LEF1: variants seen among roughly 807,000 people sequenced by gnomAD.
The protein encoded by LEF1 is lymphoid enhancer-binding factor 1.
In LEF1, 14 loss-of-function variants were observed where a neutral mutation model predicts 51.2. The observed-to-expected ratio is 0.27, with a 90% CI of 0.18 to 0.43. The LOEUF (loss-of-function observed/expected upper bound fraction) is 0.43, where lower values mean the gene tolerates loss of function less well. Among genes scored for constraint, LEF1 ranks in the 20% least tolerant of loss-of-function variants. The pLI is 1.00. For synonymous variants in LEF1, 185 were observed against 183.2 expected, an observed-to-expected ratio of 1.01 and a Z score of -0.08; for missense variants, 386 against 512.0, an observed-to-expected ratio of 0.75 and a Z score of 2.37.
intron 6 of LEF1, among the ~76,000 whole-genome samples, chr4:108,080,110 C>T (rs991477229): frequency 6.6e-6 from 1 of 152,104 alleles, no homozygotes; most frequent in African/African-American, 2.4e-5. Context: ...TGCAGAAATA[C>T]ACTAATGTTT....
At chr4:108,058,065 G>T (rs1032150414) in intron 11 of LEF1, among the ~76,000 whole-genome samples, 1 of 151,638 alleles carries the variant, frequency 6.6e-6, no homozygotes, top group Non-Finnish European at 1.5e-5. Flanking sequence ...AGTTAGAGAC[G>T]GGGTTTCACT....
At chr4:108,049,185 A>G (rs567914104) in intron 11 of LEF1, among the ~76,000 whole-genome samples, 2 of 152,346 alleles carry the variant, frequency 1.3e-5, no homozygotes, top group South Asian at 4.1e-4. Flanking sequence ...TAGGACAGAC[A>G]TAATCACATT....
intron 3 of LEF1, among the ~76,000 whole-genome samples, chr4:108,099,566 G>GTATATATATGTA (rs1193240414): frequency 1.4e-5 from 1 of 72,892 alleles, no homozygotes; most frequent in East Asian, 3.8e-4. Flanking sequence ...ATGTGTGTGT[G>GTATATATATGTA]TGTGTATATA....
chr4:108,077,453 C>T (rs987906021), intron 8 of LEF1, among the ~76,000 whole-genome samples: 3 of 131,104 alleles, frequency 2.3e-5, no homozygotes, highest in African/African-American at 8.1e-5. Context: ...CGGCTGCCGC[C>T]CAGTCTGGGA....
intron 11 of LEF1, among the ~76,000 whole-genome samples, chr4:108,051,642 A>G (rs944225393): frequency 1.8e-4 from 27 of 152,144 alleles, no homozygotes; most frequent in African/African-American, 6.5e-4. Flanking sequence ...CCCATCTTAC[A>G]TATGTTCAGA....
chr4:108,113,272 T>C (rs1741636989), intron 3 of LEF1, among the ~76,000 whole-genome samples: 1 of 152,064 alleles, frequency 6.6e-6, no homozygotes, highest in Non-Finnish European at 1.5e-5. Context: ...AGAAAAAAGG[T>C]AGAAGAGCTC....
At chr4:108,141,891 T>C (rs958491070) in intron 3 of LEF1, among the ~76,000 whole-genome samples, 26 of 151,732 alleles carry the variant, frequency 1.7e-4, no homozygotes, top group African/African-American at 5.8e-4. Flanking sequence ...GAAGCAAGAA[T>C]GAAGGGGAGG....
rs190720270 is a variant in LEF1 at position 108,125,463 on chromosome 4, G to A, written c.415-36206C>T. Reference sequence around the variant, plus strand: ...CAGGCATGAGCCACCATACCCGGCCGTATCAATATTATTTACAGTAGTATG... The same window carrying A: ...CAGGCATGAGCCACCATACCCGGCCATATCAATATTATTTACAGTAGTATG... On this transcript the variant is annotated intron_variant, in intron 3 of 11. Transcript: ENST00000265165. Among the ~76,000 whole-genome samples, 4 of 152,140 alleles carry A rather than the reference G, an allele frequency of 2.6e-5. No homozygotes were observed. In the East Asian group the frequency reaches 5.8e-4, roughly 22 times the overall value.
intron 3 of LEF1, among the ~76,000 whole-genome samples, chr4:108,140,700 T>C (rs1304391076): frequency 6.6e-6 from 1 of 152,220 alleles, no homozygotes; most frequent in Non-Finnish European, 1.5e-5. Context: ...ACGCCTTTGT[T>C]AGGTGACAAG....
chr4:108,158,011 C>A (rs574840991), intron 3 of LEF1, among the ~76,000 whole-genome samples: 41 of 152,284 alleles, frequency 2.7e-4, no homozygotes, highest in African/African-American at 9.1e-4. Flanking sequence ...CAACTCCCCG[C>A]TCTTCACTTT....
chr4:108,095,741 A>C (rs1740336097), intron 3 of LEF1, among the ~76,000 whole-genome samples: 1 of 152,170 alleles, frequency 6.6e-6, no homozygotes, highest in African/African-American at 2.4e-5. Context: ...TTTAATCCTA[A>C]AGCCATACCT....
intron 3 of LEF1, among the ~76,000 whole-genome samples, chr4:108,133,530 T>G (rs1420345475): frequency 6.6e-6 from 1 of 152,190 alleles, no homozygotes; most frequent in Admixed American, 6.5e-5. Flanking sequence ...CTCATCCACC[T>G]AGGACTAAAA....
chr4:108,114,482 T>C (rs775564688), intron 3 of LEF1, among the ~76,000 whole-genome samples: 2 of 152,160 alleles, frequency 1.3e-5, no homozygotes, highest in African/African-American at 4.8e-5. Flanking sequence ...AAGCATCTTA[T>C]GTTAACAAGA....
chr4:108,101,683 G>A (rs1246201887), intron 3 of LEF1, among the ~76,000 whole-genome samples: 1 of 152,108 alleles, frequency 6.6e-6, no homozygotes, highest in African/African-American at 2.4e-5. Flanking sequence ...TGTGAGCACT[G>A]GATTCCTGCT....
At chr4:108,066,368 T>C in intron 9 of LEF1, among the ~76,000 whole-genome samples, 1 of 152,224 alleles carries the variant, frequency 6.6e-6, no homozygotes, top group East Asian at 1.9e-4. Flanking sequence ...ATCTATTCCA[T>C]GAACCTTCTC....
At chr4:108,096,841 G>A (rs1740423845) in intron 3 of LEF1, among the ~76,000 whole-genome samples, 1 of 152,182 alleles carries the variant, frequency 6.6e-6, no homozygotes, top group African/African-American at 2.4e-5. Flanking sequence ...ATGAAAAGGT[G>A]CTCAACATCA....
intron 7 of LEF1, among the ~76,000 whole-genome samples, chr4:108,078,732 C>G (rs1179055575): frequency 2.0e-5 from 3 of 152,146 alleles, no homozygotes. Context: ...CTTCTCTGGT[C>G]CCCTCAGAAG....
chr4:108,078,537 T>C, intron 7 of LEF1, 155 bp from the exon 8 acceptor site: 1 of 841,762 alleles, frequency 1.2e-6, no homozygotes, highest in Non-Finnish European at 1.9e-6. Flanking sequence ...AGAGCAGTTA[T>C]TGACTCATTT....
intron 3 of LEF1, among the ~76,000 whole-genome samples, chr4:108,101,593 G>C (rs1293520858): frequency 6.6e-6 from 1 of 152,094 alleles, no homozygotes; most frequent in Non-Finnish European, 1.5e-5. Context: ...GAGAGGAGTG[G>C]GTAGGCAAGT....
Sources: allele counts gnomAD v4.1 joint callset (sites outside exome capture counted in the v4.1 genomes callset), GRCh38; gene constraint gnomAD v4.1.1; transcripts MANE v1.5; gene names NCBI Gene and HGNC (gene_info 2026-07-23, HGNC 2026-07-21).